CSMD1: variants seen among roughly 807,000 people sequenced by gnomAD.
CSMD1 encodes CUB and Sushi multiple domains 1, also known as CUB and sushi domain-containing protein 1.
Under a neutral mutation model 417.5 loss-of-function variants are expected in CSMD1, and 213 were observed. The ratio of observed to expected loss-of-function variants is 0.51; its 90% CI spans 0.46 to 0.57. The LOEUF (loss-of-function observed/expected upper bound fraction) is 0.57. CSMD1 is among the 20% of genes least tolerant of loss of function. The pLI is 0.00. For missense variants in CSMD1, 6,923 were observed against 4,529.7 expected (o/e 1.53, Z -15.17); for synonymous variants, 2,862 against 1,736.8 (o/e 1.65, Z -16.11).
chr8:3,288,993 C>T (rs1346402469), intron 25 of CSMD1, among the ~76,000 whole-genome samples: 2 of 141,450 alleles, frequency 1.4e-5, no homozygotes, highest in African/African-American at 3.1e-5. Context: ...TACCCCACAA[C>T]AGTCCCCGGT....
chr8:4,678,890 A>C (rs1805856976), intron 1 of CSMD1, among the ~76,000 whole-genome samples: 1 of 152,222 alleles, frequency 6.6e-6, no homozygotes, highest in Non-Finnish European at 1.5e-5. Flanking sequence ...AAAAGTTTAC[A>C]AACAGTAATA....
At chr8:2,978,006 G>C (rs572238409) in intron 55 of CSMD1, among the ~76,000 whole-genome samples, 2 of 152,176 alleles carry the variant, frequency 1.3e-5, no homozygotes, top group Non-Finnish European at 2.9e-5. Flanking sequence ...CATTTTGGAA[G>C]ACAGTGTAGC....
chr8:4,496,954 A>T (rs1417489247), intron 2 of CSMD1, among the ~76,000 whole-genome samples: 1 of 152,224 alleles, frequency 6.6e-6, no homozygotes, highest in Admixed American at 6.5e-5. Flanking sequence ...AAGCAAACTA[A>T]TAGCTTACAA....
chr8:2,988,846 G>C (rs1806147529), intron 54 of CSMD1, among the ~76,000 whole-genome samples: 1 of 152,188 alleles, frequency 6.6e-6, no homozygotes, highest in South Asian at 2.1e-4. Context: ...GGTTGAACCT[G>C]AGAATAAGCA....
chr8:3,296,445 G>A (rs371232332), intron 25 of CSMD1, among the ~76,000 whole-genome samples: 6 of 152,114 alleles, frequency 3.9e-5, no homozygotes, highest in Admixed American at 2.6e-4. Context: ...CGCACAGAGG[G>A]CTTTGTAGGC....
intron 3 of CSMD1, among the ~76,000 whole-genome samples, chr8:4,125,717 G>A (rs1310246398): frequency 2.6e-5 from 4 of 152,132 alleles, no homozygotes; most frequent in Admixed American, 6.5e-5. Context: ...AATTTGCGAA[G>A]GAATTCAGTT....
intron 2 of CSMD1, among the ~76,000 whole-genome samples, chr8:4,635,303 G>T (rs1361362476): frequency 6.6e-6 from 1 of 152,090 alleles, no homozygotes; most frequent in Admixed American, 6.5e-5. Flanking sequence ...AATGAAATAT[G>T]TTTCTAATTG....
chr8:4,668,414 C>A, intron 1 of CSMD1, among the ~76,000 whole-genome samples: 1 of 123,190 alleles, frequency 8.1e-6, no homozygotes, highest in African/African-American at 3.1e-5. Context: ...TTGATGTTTT[C>A]CATTATTATT....
intron 3 of CSMD1, among the ~76,000 whole-genome samples, chr8:4,259,264 A>G (rs979827416): frequency 4.0e-5 from 6 of 151,464 alleles, no homozygotes; most frequent in African/African-American, 1.2e-4. Flanking sequence ...TAAACAAGCA[A>G]CCCCCCTCCC....
intron 3 of CSMD1, among the ~76,000 whole-genome samples, chr8:4,357,328 G>C (rs542999979): frequency 6.6e-6 from 1 of 152,122 alleles, no homozygotes; most frequent in Non-Finnish European, 1.5e-5. Flanking sequence ...TATCATGCCT[G>C]TTGCGTAAGC....
At chr8:4,467,118 A>T (rs1356160838) in intron 2 of CSMD1, among the ~76,000 whole-genome samples, 1 of 141,318 alleles carries the variant, frequency 7.1e-6, no homozygotes, top group Non-Finnish European at 1.6e-5. Flanking sequence ...TAGATTCTTC[A>T]GAGTAAAAAA....
rs111686695 is a variant in CSMD1 at position 4,825,950 on chromosome 8, T to A, written c.85+168382A>T. On this transcript the variant is annotated intron_variant, in intron 1 of 69. Transcript: ENST00000635120. ...AAAAACAGGCAGCTATCACCTTACA[T>A]CTTTGAGGATGACTAATTTTTTTTT... is the stretch of plus-strand genomic sequence containing the variant. Among the ~76,000 whole-genome samples, 500 of 146,524 alleles carry A rather than the reference T, an allele frequency of 3.4e-3. 7 individuals carry two copies. The highest frequency in any genetic ancestry group is 0.011 in the African/African-American group (465 of 41,134).
At chr8:4,579,839 C>G (rs1215562445) in intron 2 of CSMD1, among the ~76,000 whole-genome samples, 1 of 152,050 alleles carries the variant, frequency 6.6e-6, no homozygotes, top group African/African-American at 2.4e-5. Context: ...GGATTCAATT[C>G]TCAGATAAAC....
intron 21 of CSMD1, among the ~76,000 whole-genome samples, chr8:3,349,771 A>G (rs1353308048): frequency 7.1e-6 from 1 of 140,310 alleles, no homozygotes; most frequent in African/African-American, 2.6e-5. Context: ...TATAAAATAG[A>G]TATAAGTCTA....
Position 3,227,323 on chromosome 8 carries a change from C to T in CSMD1, c.4345+2717G>A, listed in dbSNP as rs1038360009. On this transcript the variant is annotated intron_variant, in intron 27 of 69. Coordinates refer to ENST00000635120, the MANE Select transcript of CSMD1 (RefSeq NM_033225.6). Reference sequence around the variant, plus strand: ...GGCTGAGGCAGGAGAATCACTGGAACACGGAAGGAGGTTGCAGTGAGTCGA... The same window carrying T: ...GGCTGAGGCAGGAGAATCACTGGAATACGGAAGGAGGTTGCAGTGAGTCGA... 0.025 allele frequency among the ~76,000 whole-genome samples: 10 copies of T among 394 alleles called. No individual in the cohort carries two copies. The South Asian group carries it at 0.45, about 18-fold the overall frequency. 0.3% of individuals were successfully genotyped at this position (394 alleles called of 152,430 possible).
chr8:4,201,272 C>T (rs1381514581), intron 3 of CSMD1, among the ~76,000 whole-genome samples: 1 of 152,164 alleles, frequency 6.6e-6, no homozygotes, highest in African/African-American at 2.4e-5. Context: ...GGCGCAGTGG[C>T]TCACGCCTGT....
At chr8:4,538,780 T>C (rs1271577114) in intron 2 of CSMD1, among the ~76,000 whole-genome samples, 1 of 152,212 alleles carries the variant, frequency 6.6e-6, no homozygotes, top group African/African-American at 2.4e-5. Context: ...GTTTACCCAT[T>C]TTACAGATAA....
chr8:4,033,442 A>T (rs1298575016), intron 3 of CSMD1, among the ~76,000 whole-genome samples: 1 of 152,174 alleles, frequency 6.6e-6, no homozygotes, highest in Non-Finnish European at 1.5e-5. Flanking sequence ...ACTCCGCCTC[A>T]AAAAAACAAA....
chr8:4,204,258 T>C (rs957568401), intron 3 of CSMD1, among the ~76,000 whole-genome samples: 3 of 151,464 alleles, frequency 2.0e-5, no homozygotes, highest in Non-Finnish European at 2.9e-5. Flanking sequence ...ATTTATGCAA[T>C]GCTAGGAAAA....
Sources: gnomAD v4.1 joint callset for allele counts (sites outside exome capture counted in the v4.1 genomes callset) on GRCh38, gnomAD v4.1.1 for gene constraint, MANE v1.5 for transcripts, NCBI Gene and HGNC (gene_info 2026-07-23, HGNC 2026-07-21) for gene names.